STMN2: variants seen among roughly 807,000 people sequenced by gnomAD.
STMN2 encodes the protein stathmin 2.
A neutral mutation model predicts 24.1 loss-of-function variants in STMN2; 2 were observed. The ratio of observed to expected loss-of-function variants is 0.08; its 90% confidence interval spans 0.03 to 0.26. STMN2 has a LOEUF of 0.26. STMN2 is among the 10% of genes least tolerant of loss of function. The pLI, the probability that STMN2 is intolerant of heterozygous loss-of-function variation, is 1.00. For synonymous variants in STMN2, 83 were observed against 77.5 expected (o/e 1.07, Z -0.37); for missense variants, 114 against 213.6 (o/e 0.53, Z 2.91).
At chr8:79,629,927 T>C (rs1809759723) in intron 1 of STMN2, among the ~76,000 whole-genome samples, 1 of 152,216 alleles carries the variant, frequency 6.6e-6, no homozygotes, top group African/African-American at 2.4e-5. Flanking sequence ...TTCAAATCCA[T>C]TGAAACTTCA....
intron 4 of STMN2, among the ~76,000 whole-genome samples, chr8:79,662,208 G>A (rs978001061): frequency 1.1e-4 from 17 of 152,060 alleles, no homozygotes; most frequent in African/African-American, 3.6e-4. Flanking sequence ...TGCATACAAT[G>A]CTAAAATATT....
chr8:79,620,217 T>C (rs1203423595), intron 1 of STMN2, among the ~76,000 whole-genome samples: 1 of 148,120 alleles, frequency 6.8e-6, no homozygotes, highest in Non-Finnish European at 1.5e-5. Context: ...TAAAGTTGTG[T>C]ATATTATTTA....
intron 1 of STMN2, among the ~76,000 whole-genome samples, chr8:79,612,819 G>T (rs1316143065): frequency 6.6e-6 from 1 of 152,116 alleles, no homozygotes; most frequent in Admixed American, 6.5e-5. Flanking sequence ...CAGGCTCCGA[G>T]ACTGGCGGGG....
chr8:79,617,978 C>T (rs1344828043), intron 1 of STMN2, among the ~76,000 whole-genome samples: 1 of 152,220 alleles, frequency 6.6e-6, no homozygotes, highest in Non-Finnish European at 1.5e-5. Context: ...AAGTATCTTA[C>T]TCAAGGTCAC....
chr8:79,625,595 T>TATAAGAA (rs1307252285), intron 1 of STMN2, among the ~76,000 whole-genome samples: 1 of 152,122 alleles, frequency 6.6e-6, no homozygotes, highest in East Asian at 1.9e-4. Flanking sequence ...CAGGGAGAAT[T>TATAAGAA]ATAAGAAATA....
At chr8:79,615,892 A>T (rs1289372274) in intron 1 of STMN2, among the ~76,000 whole-genome samples, 1 of 152,208 alleles carries the variant, frequency 6.6e-6, no homozygotes, top group Non-Finnish European at 1.5e-5. Context: ...AATACCATTT[A>T]TGTTACTTCT....
At chr8:79,629,586 C>T (rs981646667) in intron 1 of STMN2, among the ~76,000 whole-genome samples, 2 of 152,152 alleles carry the variant, frequency 1.3e-5, no homozygotes, top group Admixed American at 6.5e-5. Flanking sequence ...TACAAAATTT[C>T]GTTGAAGGAC....
intron 3 of STMN2, among the ~76,000 whole-genome samples, chr8:79,643,954 A>G (rs1244622225): frequency 6.7e-6 from 1 of 149,244 alleles, no homozygotes; most frequent in Non-Finnish European, 1.5e-5. Context: ...TTTTATTTTT[A>G]GTTTTTTATG....
rs1319315239 is a variant in STMN2 at position 79,641,624 on chromosome 8, G to GCACACA, written c.288+77_288+78insACACAC. ...CCCTCTCACACACTCGGGCACACAT[G>GCACACA]CACGCACACACACACACACACACAC... On this transcript the variant is annotated intron_variant, in intron 3 of 4. Transcript: ENST00000220876. The GCACACA allele has an allele frequency of 6.1e-5, 29 of 476,342 alleles. No individual in the cohort carries two copies. In the Admixed American group the frequency reaches 7.6e-4, roughly 13 times the overall value. The allele number at this position is 476,342 out of a possible 1,614,324, so 29.5% of individuals were successfully genotyped here.
chr8:79,654,793 TC>T, intron 3 of STMN2, 77 bp from the exon 4 acceptor site: 1 of 1,462,610 alleles, frequency 6.8e-7, no homozygotes, highest in African/African-American at 1.4e-5. Context: ...AAAAGAATGC[TC>T]CCTCCAATTG....
intron 1 of STMN2, among the ~76,000 whole-genome samples, chr8:79,636,156 G>T (rs1809948597): frequency 6.6e-6 from 1 of 152,172 alleles, no homozygotes; most frequent in South Asian, 2.1e-4. Flanking sequence ...GGTGGAGGTT[G>T]CAGTGAGCTG....
intron 1 of STMN2, among the ~76,000 whole-genome samples, chr8:79,622,515 A>G (rs1366824992): frequency 6.6e-6 from 1 of 152,238 alleles, no homozygotes; most frequent in Admixed American, 6.5e-5. Flanking sequence ...AGCAGCCAAT[A>G]TAGTATATCT....
At chr8:79,662,258 A>G (rs1415064524) in intron 4 of STMN2, among the ~76,000 whole-genome samples, 1 of 152,102 alleles carries the variant, frequency 6.6e-6, no homozygotes, top group Non-Finnish European at 1.5e-5. Flanking sequence ...GAAGGGGGTA[A>G]ATTGCAGAAA....
At chr8:79,655,995 A>T (rs1376799192) in intron 4 of STMN2, among the ~76,000 whole-genome samples, 1 of 152,082 alleles carries the variant, frequency 6.6e-6, no homozygotes, top group Non-Finnish European at 1.5e-5. Flanking sequence ...TAATTAGATG[A>T]GCCTCCTGTT....
chr8:79,665,663 T>TTAAG lies in STMN2; in HGVS notation c.*791_*794dup, dbSNP rs1276300472. 5 of 154,382 alleles carry TTAAG rather than the reference T, an allele frequency of 3.2e-5. No homozygotes were observed. Among genetic ancestry groups the TTAAG allele is most frequent in the Non-Finnish European group, 5.9e-5 (4 of 68,214 alleles). 9.6% of individuals were successfully genotyped at this position (154,382 alleles called of 1,614,324 possible). ...CATAAAGTGGGCTTAATTCTCTAGT[T>TTAAG]TAAGTTCTTTTGATGGAATGAATTA... On this transcript the variant is annotated 3_prime_UTR_variant, in exon 5 of 5. Transcript: ENST00000220876.
intron 1 of STMN2, among the ~76,000 whole-genome samples, chr8:79,623,067 G>A (rs1046323227): frequency 6.6e-6 from 1 of 152,138 alleles, no homozygotes; most frequent in Non-Finnish European, 1.5e-5. Flanking sequence ...TCCTCCCGTT[G>A]CTTTCTTATC....
chr8:79,649,078 GA>G (rs1284940991), intron 3 of STMN2, among the ~76,000 whole-genome samples: 1 of 152,138 alleles, frequency 6.6e-6, no homozygotes, highest in Non-Finnish European at 1.5e-5. Flanking sequence ...CATAAAAGTA[GA>G]TCATTAGTCA....
intron 3 of STMN2, among the ~76,000 whole-genome samples, chr8:79,652,896 A>T (rs1183150443): frequency 6.6e-6 from 1 of 152,174 alleles, no homozygotes; most frequent in East Asian, 1.9e-4. Flanking sequence ...AAGTCTGTGT[A>T]GGATGCTTTA....
intron 1 of STMN2, chr8:79,613,543 C>T: frequency 1.0e-6 from 1 of 985,502 alleles, no homozygotes; most frequent in Non-Finnish European, 1.2e-6. Context: ...TTCTGCACCC[C>T]TCAGAAAGGT....
Sources: allele counts gnomAD v4.1 joint callset (sites outside exome capture counted in the v4.1 genomes callset), GRCh38; gene constraint gnomAD v4.1.1; transcripts MANE v1.5; gene names NCBI Gene and HGNC (gene_info 2026-07-23, HGNC 2026-07-21).